Variants in WWOX observed in about 807,000 individuals in gnomAD.
The protein encoded by WWOX is WW domain containing oxidoreductase.
WWOX carries 69 observed loss-of-function variants against 46.2 expected under a neutral mutation model. That is an observed-to-expected ratio of 1.49 (90% confidence interval 1.23 to 1.82). The LOEUF (loss-of-function observed/expected upper bound fraction) is 1.82, where lower values mean the gene tolerates loss of function less well. Ranked by LOEUF, WWOX falls within the 40% of genes most tolerant of loss-of-function variation. The probability of loss-of-function intolerance (pLI) is 0.00; values close to 1 mark genes in which losing one functional copy is unlikely to be tolerated. For synonymous variants in WWOX, 359 were observed against 202.6 expected, an observed-to-expected ratio of 1.77 and a Z score of -6.56; for missense variants, 919 against 542.6, an observed-to-expected ratio of 1.69 and a Z score of -6.89.
chr16:79,064,469 G>T (rs768436274), intron 8 of WWOX, among the ~76,000 whole-genome samples: 1 of 152,206 alleles, frequency 6.6e-6, no homozygotes, highest in Non-Finnish European at 1.5e-5. Context: ...CCCATGCGTC[G>T]TCATCATCAC....
chr16:79,167,068 G>A (rs2050608880), intron 8 of WWOX, among the ~76,000 whole-genome samples: 1 of 152,088 alleles, frequency 6.6e-6, no homozygotes, highest in Non-Finnish European at 1.5e-5. Flanking sequence ...AGCCTCCTGA[G>A]TAGCTGTGAT....
chr16:78,480,026 C>G (rs1363904291), intron 8 of WWOX, among the ~76,000 whole-genome samples: 9 of 152,166 alleles, frequency 5.9e-5, no homozygotes, highest in Admixed American at 5.2e-4. Context: ...AGCAGTCATA[C>G]CTTCTCGAAG....
intron 8 of WWOX, among the ~76,000 whole-genome samples, chr16:79,021,717 C>G (rs996401825): frequency 1.3e-5 from 2 of 152,210 alleles, no homozygotes; most frequent in African/African-American, 2.4e-5. Context: ...AAACTCCAGT[C>G]AGATGTTAGT....
chr16:78,617,529 A>G (rs1341303457), intron 8 of WWOX, among the ~76,000 whole-genome samples: 1 of 152,182 alleles, frequency 6.6e-6, no homozygotes, highest in Non-Finnish European at 1.5e-5. Flanking sequence ...TGGACTTAAG[A>G]AGCCACATAA....
At chr16:78,581,798 C>A (rs867332355) in intron 8 of WWOX, among the ~76,000 whole-genome samples, 2 of 152,126 alleles carry the variant, frequency 1.3e-5, no homozygotes, top group Non-Finnish European at 2.9e-5. Flanking sequence ...CAAAAGTTTT[C>A]CCCATACCAA....
At chr16:78,124,293 C>T (rs1035937164) in intron 4 of WWOX, 6 of 151,882 alleles carry the variant, frequency 4.0e-5, no homozygotes, top group African/African-American at 1.2e-4. Flanking sequence ...TGTTCATATA[C>T]GAGTGTGTTC....
At chr16:78,253,195 G>A (rs1450830092) in intron 5 of WWOX, among the ~76,000 whole-genome samples, 1 of 152,102 alleles carries the variant, frequency 6.6e-6, no homozygotes, top group Non-Finnish European at 1.5e-5. Context: ...GGTTCAGATG[G>A]ATTAAGTAAT....
chr16:78,605,674 G>A (rs918688312), intron 8 of WWOX, among the ~76,000 whole-genome samples: 7 of 152,122 alleles, frequency 4.6e-5, no homozygotes, highest in Non-Finnish European at 7.3e-5. Flanking sequence ...TCCGCCTCTC[G>A]TGCTTGGAGG....
intron 8 of WWOX, among the ~76,000 whole-genome samples, chr16:78,922,985 T>TTTTTTTCTA (rs779643455): frequency 1.9e-5 from 1 of 52,680 alleles, no homozygotes; most frequent in East Asian, 5.1e-4. Flanking sequence ...TTCTCTTTTC[T>TTTTTTTCTA]TTTTTTTTTT....
chr16:78,701,091 A>C (rs1248327006), intron 8 of WWOX, among the ~76,000 whole-genome samples: 1 of 152,114 alleles, frequency 6.6e-6, no homozygotes, highest in Non-Finnish European at 1.5e-5. Flanking sequence ...TCTCCTCTTT[A>C]AAGGTGGGCT....
intron 6 of WWOX, among the ~76,000 whole-genome samples, chr16:78,398,104 C>T (rs1278108032): frequency 6.6e-6 from 1 of 152,150 alleles, no homozygotes; most frequent in Non-Finnish European, 1.5e-5. Context: ...CAGAAGAAGA[C>T]CAAGGGGTCG....
chr16:79,129,610 T>C (rs974112005), intron 8 of WWOX, among the ~76,000 whole-genome samples: 13 of 152,078 alleles, frequency 8.5e-5, no homozygotes, highest in African/African-American at 2.9e-4. Context: ...AAGCAAAGCA[T>C]ACACTGAAAA....
intron 8 of WWOX, among the ~76,000 whole-genome samples, chr16:79,007,964 A>G (rs910501148): frequency 1.3e-5 from 2 of 152,214 alleles, no homozygotes; most frequent in Non-Finnish European, 2.9e-5. Flanking sequence ...GTAAGAAATT[A>G]CCACAAATTT....
chr16:79,116,808 T>G (rs62038838), intron 8 of WWOX, among the ~76,000 whole-genome samples: 39,278 of 151,644 alleles, frequency 0.26, 5,902 homozygotes, highest in East Asian at 0.59. Context: ...GCTGAATCCT[T>G]TCTAGAAGAT....
chr16:78,802,440 T>C (rs1286681967), intron 8 of WWOX, among the ~76,000 whole-genome samples: 1 of 152,076 alleles, frequency 6.6e-6, no homozygotes, highest in Non-Finnish European at 1.5e-5. Context: ...AACAGTTGTT[T>C]ATGGAAGGCT....
chr16:79,186,159 G>C (rs946834082), intron 8 of WWOX, among the ~76,000 whole-genome samples: 9 of 152,128 alleles, frequency 5.9e-5, no homozygotes, highest in Admixed American at 3.3e-4. Flanking sequence ...GGACTGTGCT[G>C]ACTTATTTGG....
At chr16:79,200,757 G>C (rs1179914039) in intron 8 of WWOX, among the ~76,000 whole-genome samples, 1 of 152,124 alleles carries the variant, frequency 6.6e-6, no homozygotes, top group Non-Finnish European at 1.5e-5. Flanking sequence ...TCTAGAAATG[G>C]TGAAAGGACT....
intron 8 of WWOX, chr16:78,550,726 G>C (rs1187866921): frequency 6.6e-6 from 1 of 152,172 alleles, no homozygotes; most frequent in East Asian, 1.9e-4. Context: ...GGGGTGGTTG[G>C]ATGGGAAGGC....
intron 8 of WWOX, among the ~76,000 whole-genome samples, chr16:78,579,309 G>T (rs369013701): frequency 2.0e-4 from 30 of 152,258 alleles, no homozygotes; most frequent in African/African-American, 7.0e-4. Flanking sequence ...TATGTCGACG[G>T]TGTGAGTGAT....
Sources: allele counts gnomAD v4.1 joint callset (sites outside exome capture counted in the v4.1 genomes callset), GRCh38; gene constraint gnomAD v4.1.1; transcripts MANE v1.5; gene names NCBI Gene and HGNC (gene_info 2026-07-23, HGNC 2026-07-21).